The following RAP1GAP2 variants were observed in gnomAD, a reference collection of about 807,000 sequenced individuals.
RAP1GAP2 encodes the protein RAP1 GTPase activating protein 2.
A neutral mutation model predicts 95.0 loss-of-function variants in RAP1GAP2; 27 were observed. That is an observed-to-expected ratio of 0.28 (90% CI 0.21 to 0.39). The LOEUF (loss-of-function observed/expected upper bound fraction) is 0.39. Among genes scored for constraint, RAP1GAP2 ranks in the 10% least tolerant of loss-of-function variants. The probability of loss-of-function intolerance (pLI) is 1.00; values close to 1 mark genes in which losing one functional copy is unlikely to be tolerated. For missense variants in RAP1GAP2, 771 were observed against 970.0 expected (o/e 0.79, Z 2.72); for synonymous variants, 373 against 380.9 (o/e 0.98, Z 0.24).
chr17:2,829,409 G>A (rs1331235129), intron 2 of RAP1GAP2, among the ~76,000 whole-genome samples: 2 of 152,050 alleles, frequency 1.3e-5, no homozygotes, highest in East Asian at 3.9e-4. Context: ...AAGGGCTGGG[G>A]CTGGGGTCGT....
intron 2 of RAP1GAP2, among the ~76,000 whole-genome samples, chr17:2,881,251 A>G (rs900215493): frequency 3.4e-5 from 5 of 147,248 alleles, no homozygotes; most frequent in African/African-American, 1.3e-4. Context: ...ACAGAGTGAG[A>G]CTCTGCCTCA....
At chr17:2,930,773 C>T (rs543547748) in intron 3 of RAP1GAP2, among the ~76,000 whole-genome samples, 12 of 151,978 alleles carry the variant, frequency 7.9e-5, no homozygotes, top group Admixed American at 6.6e-4. Context: ...AGAAACTGCA[C>T]GAAACAAAAC....
upstream of RAP1GAP2, among the ~76,000 whole-genome samples, chr17:2,793,298 C>T (rs1234635586): frequency 6.6e-6 from 1 of 152,110 alleles, no homozygotes; most frequent in African/African-American, 2.4e-5. Context: ...GGAATACAGG[C>T]ATGTGCCACG....
chr17:2,909,290 T>G (rs1034959544), intron 3 of RAP1GAP2, among the ~76,000 whole-genome samples: 8 of 152,184 alleles, frequency 5.3e-5, no homozygotes, highest in Non-Finnish European at 1.2e-4. Context: ...AGGCCAAGTA[T>G]GGTGCAGAGT....
At position 2,965,641 on chromosome 17, in the gene RAP1GAP2, T is replaced by C. The variant is rs12950923; in HGVS notation, c.594T>C (p.Leu198=). The change falls in exon 8 of 25, where the codon CTT becomes CTC. Residue 198 remains leucine, a splice_region_variant and synonymous_variant. Transcript: ENST00000254695. The surrounding 1 kb of genome is among the most constrained non-coding windows in gnomAD (Gnocchi z 4.7). ...GGATCGAGTACCTCCGGGTCATCCT[T>C]AGGTAGGGCTGTTGCGCTGCTTGAG... ...AEGIEYLRVI[L]RSKLKTVHER... The C allele has an allele frequency of 0.83, 1,321,520 of 1,600,876 alleles. 546,262 individuals carry two copies. The highest frequency in any genetic ancestry group is 0.85 in the East Asian group (38,092 of 44,618).
In RAP1GAP2 at chr17:2,893,660, G is replaced by A. The variant is rs552070870; in HGVS notation, c.81-11624G>A. Among the ~76,000 whole-genome samples, 25 of 152,332 alleles carry A rather than the reference G, an allele frequency of 1.6e-4. No individual in the cohort carries two copies. The South Asian group carries it at 2.3e-3, about 14-fold the overall frequency. On this transcript the variant is annotated intron_variant, in intron 2 of 24. Transcript: ENST00000254695. Reference sequence around the variant, plus strand: ...TTTGTGAGTGGTTTCTGAAGCTGCCGGAGGCCGTGACCTTGTGCGCTGGCT... The same window carrying A: ...TTTGTGAGTGGTTTCTGAAGCTGCCAGAGGCCGTGACCTTGTGCGCTGGCT...
intron 2 of RAP1GAP2, among the ~76,000 whole-genome samples, chr17:2,829,004 G>A (rs868067570): frequency 1.1e-4 from 2 of 18,690 alleles, no homozygotes; most frequent in Non-Finnish European, 2.3e-4. Flanking sequence ...TTTTTTTTTT[G>A]GGAAACCTCG....
chr17:2,951,694 G>A (rs1567815149), intron 3 of RAP1GAP2, among the ~76,000 whole-genome samples: 1 of 151,780 alleles, frequency 6.6e-6, no homozygotes, highest in East Asian at 1.9e-4. Flanking sequence ...CTTCAGCCTG[G>A]GTGACAGAAT....
At position 3,005,416 on chromosome 17, in the gene RAP1GAP2, G is replaced by A; in HGVS notation, c.1248G>A (p.Leu416=). The A allele has an allele frequency of 6.2e-7, 1 of 1,613,782 alleles. No individual in the cohort carries two copies. Among genetic ancestry groups the A allele is most frequent in the South Asian group, 1.1e-5 (1 of 91,074 alleles). Reference sequence around the variant, plus strand: ...ATGTGCCCACCTTTGGTCCACCTCTGCCCAGTCCCCCCGTTTTCCAGAAGG... The same window carrying A: ...ATGTGCCCACCTTTGGTCCACCTCTACCCAGTCCCCCCGTTTTCCAGAAGG... ...REDVPTFGPP[L]PSPPVFQKGP... is the part of the protein sequence containing the mutation. Residue 416 remains leucine, a synonymous_variant, in exon 15 of 25, where the codon CTG becomes CTA. Transcript: ENST00000254695. This position sits in a 1 kb window ranked among gnomAD's most constrained non-coding sequence, Gnocchi z 5.2.
At chr17:2,837,102 TTAAC>T (rs1434778200) in intron 2 of RAP1GAP2, among the ~76,000 whole-genome samples, 4 of 151,916 alleles carry the variant, frequency 2.6e-5, no homozygotes, top group East Asian at 1.9e-4. Flanking sequence ...AATTAAAAAA[TTAAC>T]TAAGCATGGT....
At chr17:3,007,863 A>T in intron 16 of RAP1GAP2, 148 bp from the exon 17 acceptor site, 1 of 921,524 alleles carries the variant, frequency 1.1e-6, no homozygotes, top group Non-Finnish European at 1.6e-6. Flanking sequence ...TGTGAGCACG[A>T]AGCTCAGCTC....
chr17:2,851,509 G>A (rs1172429089), intron 2 of RAP1GAP2, among the ~76,000 whole-genome samples: 2 of 152,050 alleles, frequency 1.3e-5, no homozygotes, highest in African/African-American at 2.4e-5. Flanking sequence ...CAAAGGTGGC[G>A]AGCTTGTAGG....
At chr17:2,922,905 C>T (rs1298563189) in intron 3 of RAP1GAP2, among the ~76,000 whole-genome samples, 1 of 148,306 alleles carries the variant, frequency 6.7e-6, no homozygotes, top group Non-Finnish European at 1.5e-5. Flanking sequence ...CGACCTTGCA[C>T]TACCTTGGCT....
intron 11 of RAP1GAP2, among the ~76,000 whole-genome samples, chr17:2,989,625 G>A (rs760043099): frequency 8.6e-5 from 13 of 151,808 alleles, no homozygotes; most frequent in Non-Finnish European, 1.5e-4. Context: ...GAGGCACCGC[G>A]CCCGGCCGTT....
At chr17:2,928,750 G>A (rs867265991) in intron 3 of RAP1GAP2, among the ~76,000 whole-genome samples, 27 of 152,102 alleles carry the variant, frequency 1.8e-4, no homozygotes, top group African/African-American at 5.6e-4. Flanking sequence ...GCGTGTGGGG[G>A]CCCTGCACCA....
intron 2 of RAP1GAP2, among the ~76,000 whole-genome samples, chr17:2,876,172 T>C (rs951503964): frequency 6.6e-6 from 1 of 151,858 alleles, no homozygotes; most frequent in African/African-American, 2.4e-5. Flanking sequence ...CTCCTGACCT[T>C]GTGAGCTGCC....
intron 14 of RAP1GAP2, 78 bp downstream of exon 14, chr17:2,998,454 A>G (rs1010834483): frequency 6.8e-7 from 1 of 1,467,624 alleles, no homozygotes; most frequent in Non-Finnish European, 9.4e-7. Context: ...ATCAGAGGAC[A>G]CTAGTCCTCA....
At chr17:3,015,817 T>C (rs1341218294) in intron 17 of RAP1GAP2, among the ~76,000 whole-genome samples, 2 of 85,284 alleles carry the variant, frequency 2.3e-5, no homozygotes, top group Non-Finnish European at 5.2e-5. Context: ...CTAGACTCTG[T>C]CTCAGAAAAA....
At chr17:2,909,780 G>A (rs1390131884) in intron 3 of RAP1GAP2, among the ~76,000 whole-genome samples, 3 of 152,156 alleles carry the variant, frequency 2.0e-5, no homozygotes, top group Non-Finnish European at 4.4e-5. Flanking sequence ...CAGGCCCCAA[G>A]CACAAGGTCA....
Sources: allele counts gnomAD v4.1 joint callset (sites outside exome capture counted in the v4.1 genomes callset), GRCh38; gene constraint gnomAD v4.1.1; non-coding constraint Gnocchi (gnomAD v3.1); transcripts MANE v1.5; gene names NCBI Gene and HGNC (gene_info 2026-07-23, HGNC 2026-07-21).